The following RECQL5 variants were observed in gnomAD, a reference collection of about 807,000 sequenced individuals.
RECQL5 encodes RecQ like helicase 5.
Under a neutral mutation model 103.4 loss-of-function variants are expected in RECQL5, and 88 were observed. The ratio of observed to expected loss-of-function variants is 0.85; its 90% CI spans 0.72 to 1.02. The LOEUF (loss-of-function observed/expected upper bound fraction) is 1.02. RECQL5 is among the 50% of genes least tolerant of loss of function. The probability of loss-of-function intolerance (pLI) is 0.00; values close to 1 mark genes in which losing one functional copy is unlikely to be tolerated. For missense variants in RECQL5, 1,232 were observed against 1,284.3 expected (o/e 0.96, Z 0.62); for synonymous variants, 552 against 507.9 (o/e 1.09, Z -1.17).
rs1043148854 is a variant in RECQL5 at position 75,633,883 on chromosome 17, A to G, written c.1230-2215T>C. ...AGTCGGGGAGAGGGAGAGGAGGAGG[A>G]AGGAGGAGGAGAGAGGGAGCTTGTC... On this transcript the variant is annotated intron_variant, in intron 8 of 19. Transcript: ENST00000317905. 1.2e-5 allele frequency: 12 copies of G among 992,562 alleles called. No homozygotes were observed. In the Admixed American group the frequency reaches 2.9e-4, roughly 24 times the overall value. The allele number at this position is 992,562 out of a possible 1,614,324, so 61.5% of individuals were successfully genotyped here. A position where few individuals can be genotyped will look rare whatever the true frequency, so the allele number is the denominator to read the frequency against.
intron 8 of RECQL5, among the ~76,000 whole-genome samples, chr17:75,648,428 C>T (rs529084208): frequency 2.6e-5 from 4 of 152,194 alleles, no homozygotes; most frequent in Admixed American, 6.5e-5. Context: ...GGCTAGAGTG[C>T]GGTGGCGCTA....
rs74948442 is a variant in RECQL5, at chr17:75,630,843, G to C, written c.1586-6C>G. ...TTTCAGGGGACAGTTCTCATCTGTG[G>C]GGGGGGGGGGTGGTCCTTGGTCCTT... On this transcript the variant is annotated splice_polypyrimidine_tract_variant and splice_region_variant and intron_variant, in intron 11 of 19. Coordinates refer to ENST00000317905, the MANE Select transcript of RECQL5 (RefSeq NM_004259.7). The C allele has an allele frequency of 7.6e-5, 100 of 1,310,926 alleles. No individual in the cohort carries two copies. The highest frequency in any genetic ancestry group is 3.9e-4 in the Middle Eastern group (2 of 5,132). The allele number at this position is 1,310,926 out of a possible 1,614,324, so 81.2% of individuals were successfully genotyped here. A position where few individuals can be genotyped will look rare whatever the true frequency, so the allele number is the denominator to read the frequency against.
At chr17:75,662,404 T>A in intron 4 of RECQL5, 75 bp downstream of exon 4, 1 of 1,495,616 alleles carries the variant, frequency 6.7e-7, no homozygotes, top group Non-Finnish European at 9.1e-7. Context: ...CCAAAGGTCT[T>A]AGACTAATCT....
chr17:75,657,667 G>T (rs758871360), intron 7 of RECQL5, among the ~76,000 whole-genome samples: 1 of 150,542 alleles, frequency 6.6e-6, no homozygotes. Flanking sequence ...GATTATTTAT[G>T]GCCAGGAGTT....
chr17:75,629,409 G>T lies in RECQL5; in HGVS notation c.2014C>A (p.Leu672Met), dbSNP rs756488718. ...TCCCTGATCCGAGTTGTCTCCATCA[G>T]TTCCGTGGCCGTCTGGAACGGGCAG... The part of the protein sequence containing the change: ...GSCPFQTATE[L>M]METTRIREQA... Residue 672 changes from leucine (L) to methionine (M), a missense_variant, in exon 16 of 20, where the codon CTG (leucine) becomes ATG (methionine). Physicochemically the swap from Leu to Met is conservative, Grantham distance 15. Coordinates refer to ENST00000317905, the MANE Select transcript of RECQL5 (RefSeq NM_004259.7). 3.3e-6 allele frequency: 5 copies of T among 1,506,740 alleles called. No individual in the cohort carries two copies. The Admixed American group carries it at 1.1e-4, about 34-fold the overall frequency. The allele number at this position is 1,506,740 out of a possible 1,614,324, so 93.3% of individuals were successfully genotyped here. A position where few individuals can be genotyped will look rare whatever the true frequency, so the allele number is the denominator to read the frequency against.
chr17:75,643,588 G>A (rs2059457246), intron 8 of RECQL5, among the ~76,000 whole-genome samples: 1 of 152,238 alleles, frequency 6.6e-6, no homozygotes, highest in South Asian at 2.1e-4. Flanking sequence ...CCTTTAAGAG[G>A]CAGCTTCTTG....
Position 75,640,968 on chromosome 17 carries a change from C to T in RECQL5, c.1230-9300G>A, listed in dbSNP as rs2148292991. ...GCCATGACACAGGCCATCAGCCTGGCCCTGCAGCCCTTACCCCTCAAGACC... is the reference window on the plus strand; with the variant it reads ...GCCATGACACAGGCCATCAGCCTGGTCCTGCAGCCCTTACCCCTCAAGACC... On this transcript the variant is annotated intron_variant, in intron 8 of 19. Coordinates refer to ENST00000317905, the MANE Select transcript of RECQL5 (RefSeq NM_004259.7). The surrounding 1 kb of genome is among the most constrained non-coding windows in gnomAD (Gnocchi z 4.6). 10 of 1,518,402 alleles carry T rather than the reference C, an allele frequency of 6.6e-6. No homozygotes were observed. Among genetic ancestry groups the T allele is most frequent in the Non-Finnish European group, 7.9e-6 (9 of 1,132,864 alleles). The allele number at this position is 1,518,402 out of a possible 1,614,324, so 94.1% of individuals were successfully genotyped here. A position where few individuals can be genotyped will look rare whatever the true frequency, so the allele number is the denominator to read the frequency against.
chr17:75,667,143 C>T lies in RECQL5; in HGVS notation c.-114G>A, dbSNP rs1028923072. On this transcript the variant is annotated 5_prime_UTR_variant, in exon 1 of 20. Transcript: ENST00000317905. Reference sequence around the variant, plus strand: ...CAACCCCAACTCAGAGAAGCCAAAGCGCTGGGAATTCAGCTTTAGGCAGAA... The same window carrying T: ...CAACCCCAACTCAGAGAAGCCAAAGTGCTGGGAATTCAGCTTTAGGCAGAA... 3.6e-6 allele frequency: 2 copies of T among 556,754 alleles called. No homozygotes were observed. Among genetic ancestry groups the T allele is most frequent in the Non-Finnish European group, 6.4e-6 (2 of 313,098 alleles). The allele number at this position is 556,754 out of a possible 1,614,324, so 34.5% of individuals were successfully genotyped here. A position where few individuals can be genotyped will look rare whatever the true frequency, so the allele number is the denominator to read the frequency against.
intron 8 of RECQL5, among the ~76,000 whole-genome samples, chr17:75,641,618 G>A (rs1192165805): frequency 1.3e-5 from 2 of 152,264 alleles, no homozygotes; most frequent in Admixed American, 6.5e-5. Flanking sequence ...AATGAGCTCT[G>A]CCAGGCTGAG....
intron 7 of RECQL5, among the ~76,000 whole-genome samples, chr17:75,654,010 C>A (rs1486173688): frequency 6.6e-6 from 1 of 152,172 alleles, no homozygotes; most frequent in Non-Finnish European, 1.5e-5. Flanking sequence ...TCATCCCCAC[C>A]AATACACACA....
At chr17:75,652,521 G>C (rs1335657439) in intron 7 of RECQL5, 1 of 152,406 alleles carries the variant, frequency 6.6e-6, no homozygotes, top group African/African-American at 2.4e-5. Flanking sequence ...AGGGGAGGTG[G>C]GCTCTGGAAG....
Position 75,636,069 on chromosome 17 carries a change from C to G in RECQL5, c.1230-4401G>C, listed in dbSNP as rs559621016. On this transcript the variant is annotated intron_variant, in intron 8 of 19. Coordinates refer to ENST00000317905, the MANE Select transcript of RECQL5 (RefSeq NM_004259.7). This position sits in a 1 kb window ranked among gnomAD's most constrained non-coding sequence, Gnocchi z 5.4. ...TGACCGCTACTGCAGCCAGGGCACA[C>G]CCTCTGAAGGCTCCAAGCAGGGCTG... Among the ~76,000 whole-genome samples, 250 of 152,342 alleles carry G rather than the reference C, an allele frequency of 1.6e-3. 1 individual carries two copies. The highest frequency in any genetic ancestry group is 4.7e-3 in the African/African-American group (197 of 41,574).
intron 8 of RECQL5, among the ~76,000 whole-genome samples, chr17:75,645,817 C>T (rs984075874): frequency 1.3e-5 from 2 of 152,206 alleles, no homozygotes; most frequent in Non-Finnish European, 2.9e-5. Flanking sequence ...ATACGACATC[C>T]TGGCAACCCC....
At chr17:75,632,678 C>G (rs979459227) in intron 8 of RECQL5, among the ~76,000 whole-genome samples, 1 of 152,204 alleles carries the variant, frequency 6.6e-6, no homozygotes, top group African/African-American at 2.4e-5. Flanking sequence ...TCTGTCGCAT[C>G]TCTGTTCCCT....
intron 3 of RECQL5, among the ~76,000 whole-genome samples, chr17:75,663,559 C>T (rs543617436): frequency 1.3e-5 from 2 of 152,108 alleles, no homozygotes; most frequent in Non-Finnish European, 2.9e-5. Context: ...CAGATTTTTG[C>T]TTTAGGGATG....
intron 8 of RECQL5, chr17:75,633,554 G>A: frequency 1.6e-6 from 2 of 1,280,088 alleles, no homozygotes; most frequent in Non-Finnish European, 2.0e-6. Flanking sequence ...CAGATGCTGA[G>A]CGGCACAAGG....
In RECQL5 at chr17:75,630,295, C is replaced by T. The variant is rs375880525; in HGVS notation, c.1719-18G>A. 2.2e-4 allele frequency: 342 copies of T among 1,541,990 alleles called. 1 individual carries two copies. The highest frequency in any genetic ancestry group is 2.3e-4 in the Non-Finnish European group (265 of 1,142,436). Reference sequence around the variant, plus strand: ...GGTCAGCTCTGTGGGTGCAAGGTAACAGGCACAAGGTATCAGGTGGGCCTG... The same window carrying T: ...GGTCAGCTCTGTGGGTGCAAGGTAATAGGCACAAGGTATCAGGTGGGCCTG... On this transcript the variant is annotated intron_variant, in intron 13 of 19. Coordinates refer to ENST00000317905, the MANE Select transcript of RECQL5 (RefSeq NM_004259.7).
chr17:75,628,585 T>C (rs1450988065), intron 17 of RECQL5, 87 bp downstream of exon 17: 2 of 1,508,590 alleles, frequency 1.3e-6, no homozygotes, highest in Admixed American at 4.3e-5. Context: ...AAGCTGATTT[T>C]CCCTGACCCC....
intron 8 of RECQL5, among the ~76,000 whole-genome samples, chr17:75,632,429 G>A (rs899930871): frequency 6.6e-6 from 1 of 152,220 alleles, no homozygotes; most frequent in Non-Finnish European, 1.5e-5. Context: ...ACCGCACAAT[G>A]ACAAGTTAAA....
Sources: gnomAD v4.1 joint callset for allele counts (sites outside exome capture counted in the v4.1 genomes callset) on GRCh38, gnomAD v4.1.1 for gene constraint, Gnocchi (gnomAD v3.1) non-coding constraint, MANE v1.5 for transcripts, NCBI Gene and HGNC (gene_info 2026-07-23, HGNC 2026-07-21) for gene names.